NAP1L4: variants seen among roughly 807,000 people sequenced by gnomAD.
The protein encoded by NAP1L4 is nucleosome assembly protein 1-like 4.
NAP1L4 carries 15 observed loss-of-function variants against 58.2 expected under a neutral mutation model. The observed-to-expected ratio is 0.26, with a 90% CI of 0.17 to 0.40. The LOEUF is 0.40. Ranked by LOEUF, NAP1L4 falls within the 10% of genes least tolerant of loss-of-function variation. NAP1L4 has a pLI of 1.00. For missense variants in NAP1L4, 384 were observed against 451.1 expected (o/e 0.85, Z 1.35); for synonymous variants, 171 against 155.6 (o/e 1.10, Z -0.74).
At chr11:2,969,727 T>C in intron 7 of NAP1L4, 76 bp downstream of exon 7, 1 of 1,507,094 alleles carries the variant, frequency 6.6e-7, no homozygotes, top group Non-Finnish European at 8.9e-7. Flanking sequence ...CCCAGTGTAG[T>C]GCTTAAAAAA....
At chr11:2,964,632 TG>T in intron 8 of NAP1L4, 47 bp downstream of exon 8, 1 of 1,493,916 alleles carries the variant, frequency 6.7e-7, no homozygotes, top group Non-Finnish European at 9.2e-7. Flanking sequence ...TCCATCTTTG[TG>T]GACTGACCCT....
intron 1 of NAP1L4, among the ~76,000 whole-genome samples, chr11:2,982,600 G>GAA (rs1211006619): frequency 3.3e-5 from 5 of 152,348 alleles, no homozygotes; most frequent in African/African-American, 1.2e-4. Flanking sequence ...TTGGAAAGGT[G>GAA]AGGTGCCAAA....
chr11:2,967,471 C>A (rs775412407), intron 7 of NAP1L4, among the ~76,000 whole-genome samples: 1 of 151,950 alleles, frequency 6.6e-6, no homozygotes, highest in Non-Finnish European at 1.5e-5. Context: ...ATTAGCCAGG[C>A]GTGGTGGCGG....
At chr11:2,975,336 GAAGT>G (rs756630325) in intron 4 of NAP1L4, among the ~76,000 whole-genome samples, 4 of 152,156 alleles carry the variant, frequency 2.6e-5, no homozygotes, top group East Asian at 1.9e-4. Flanking sequence ...ATTCCTTCCA[GAAGT>G]AAGAGAGGTC....
chr11:2,975,419 A>T (rs1172949068), intron 4 of NAP1L4, among the ~76,000 whole-genome samples: 2 of 152,156 alleles, frequency 1.3e-5, no homozygotes, highest in Non-Finnish European at 2.9e-5. Flanking sequence ...TACATCTAGC[A>T]CATAGGCCTC....
chr11:2,960,306 C>T (rs1846799051), intron 8 of NAP1L4, among the ~76,000 whole-genome samples: 1 of 152,158 alleles, frequency 6.6e-6, no homozygotes, highest in African/African-American at 2.4e-5. Flanking sequence ...TAAGCCCCAG[C>T]CCCCACCCTG....
intron 7 of NAP1L4, among the ~76,000 whole-genome samples, chr11:2,966,014 GA>G (rs1847255799): frequency 6.6e-6 from 1 of 152,194 alleles, no homozygotes; most frequent in African/African-American, 2.4e-5. Context: ...TCCCAGTGAG[GA>G]AAGTCAGAAG....
intron 14 of NAP1L4, among the ~76,000 whole-genome samples, chr11:2,950,438 AAAAACAAGGGT>A (rs1215452772): frequency 6.6e-6 from 1 of 152,228 alleles, no homozygotes; most frequent in African/African-American, 2.4e-5. Context: ...GCACACTCCA[AAAAACAAGGGT>A]AAAAACAAGC....
Position 2,949,286 on chromosome 11 carries a change from A to G in NAP1L4, c.1123-22T>C. Reference sequence around the variant, plus strand: ...ACACCTAAATGGGGAAAAAAATTGAAAGGAACTGTCAGCATGAAAGAAAAT... The same window carrying G: ...ACACCTAAATGGGGAAAAAAATTGAGAGGAACTGTCAGCATGAAAGAAAAT... On this transcript the variant is annotated intron_variant, in intron 14 of 15. Coordinates refer to ENST00000380542, the MANE Select transcript of NAP1L4 (RefSeq NM_005969.4). The surrounding 1 kb of genome is among the most constrained non-coding windows in gnomAD (Gnocchi z 4.0). 6.3e-7 allele frequency: 1 copy of G among 1,579,030 alleles called. No homozygotes were observed. Among genetic ancestry groups the G allele is most frequent in the Non-Finnish European group, 8.7e-7 (1 of 1,148,032 alleles).
chr11:2,990,800 A>C (rs1848916888), intron 1 of NAP1L4: 1 of 216,942 alleles, frequency 4.6e-6, no homozygotes, highest in African/African-American at 2.3e-5. Context: ...TTATGAAATG[A>C]GTTAACACAC....
At chr11:2,968,708 G>A (rs1421266393) in intron 7 of NAP1L4, among the ~76,000 whole-genome samples, 2 of 152,198 alleles carry the variant, frequency 1.3e-5, no homozygotes, top group Non-Finnish European at 1.5e-5. Context: ...TGTGATGGGA[G>A]AAGCACTCTG....
At position 2,974,094 on chromosome 11, in the gene NAP1L4, T is replaced by G. The variant is rs184567083; in HGVS notation, c.174-1851A>C. On this transcript the variant is annotated intron_variant, in intron 4 of 15. Coordinates refer to ENST00000380542, the MANE Select transcript of NAP1L4 (RefSeq NM_005969.4). The stretch of plus-strand genomic sequence containing the variant: ...ATTATACAATTTTAAATTAGTTTAA[T>G]TTTTGAAGCTTTCCAACTGAAGTAA... Among the ~76,000 whole-genome samples the G allele has an allele frequency of 5.7e-3, 867 of 152,366 alleles. 5 individuals are homozygous for G. Among genetic ancestry groups the G allele is most frequent in the Admixed American group, 7.3e-3 (112 of 15,302 alleles).
intron 7 of NAP1L4, among the ~76,000 whole-genome samples, chr11:2,968,285 A>T (rs1206737627): frequency 6.6e-6 from 1 of 152,226 alleles, no homozygotes; most frequent in African/African-American, 2.4e-5. Flanking sequence ...TGAGGCATTT[A>T]GTTTTTGCTA....
intron 12 of NAP1L4, chr11:2,952,262 C>A: frequency 5.9e-6 from 1 of 169,260 alleles, no homozygotes; most frequent in Non-Finnish European, 1.3e-5. Context: ...GAAAAGAAAC[C>A]TTAGTAGAAA....
At chr11:2,989,250 T>C (rs1056312996) in intron 1 of NAP1L4, 1 of 152,184 alleles carries the variant, frequency 6.6e-6, no homozygotes, top group African/African-American at 2.4e-5. Flanking sequence ...ATTTCTACTC[T>C]GGAAGCCTAA....
At chr11:2,958,105 A>G (rs1846651604) in intron 10 of NAP1L4, 18 of 572,368 alleles carry the variant, frequency 3.1e-5, no homozygotes, top group South Asian at 2.7e-4. Context: ...TACTCGATTC[A>G]GTTTTCTTAA....
At chr11:2,970,850 C>A (rs1338719473) in intron 6 of NAP1L4, among the ~76,000 whole-genome samples, 5 of 54,036 alleles carry the variant, frequency 9.3e-5, no homozygotes, top group Non-Finnish European at 1.4e-4. Context: ...CATATACCAC[C>A]CCCCCCCCAA....
At chr11:2,950,760 C>T (rs1846183397) in intron 14 of NAP1L4, among the ~76,000 whole-genome samples, 1 of 152,114 alleles carries the variant, frequency 6.6e-6, no homozygotes, top group African/African-American at 2.4e-5. Flanking sequence ...GTAAACCTTT[C>T]CAATTTATTT....
intron 9 of NAP1L4, chr11:2,958,844 A>C (rs955805497): frequency 4.3e-5 from 15 of 350,444 alleles, no homozygotes; most frequent in Non-Finnish European, 7.3e-5. Flanking sequence ...AGCCCCGTCA[A>C]GTCTGCATGA....
Sources: allele counts gnomAD v4.1 joint callset (sites outside exome capture counted in the v4.1 genomes callset), GRCh38; gene constraint gnomAD v4.1.1; non-coding constraint Gnocchi (gnomAD v3.1); transcripts MANE v1.5; gene names NCBI Gene and HGNC (gene_info 2026-07-23, HGNC 2026-07-21).